Variants in EDIL3 observed in about 807,000 individuals in gnomAD.
EDIL3 encodes the protein EGF-like repeat and discoidin I-like domain-containing protein 3.
Under a neutral mutation model 67.4 loss-of-function variants are expected in EDIL3, and 37 were observed. The ratio of observed to expected loss-of-function variants is 0.55; its 90% CI spans 0.42 to 0.72. EDIL3 has a LOEUF of 0.72. Ranked by LOEUF, EDIL3 falls within the 30% of genes least tolerant of loss-of-function variation. The pLI is 0.00. For synonymous variants in EDIL3, 195 were observed against 196.3 expected, an observed-to-expected ratio of 0.99 and a Z score of 0.05; for missense variants, 527 against 586.3, an observed-to-expected ratio of 0.90 and a Z score of 1.04.
rs764786420 is a variant in EDIL3 at position 84,081,114 on chromosome 5, C to T, written c.652-14508G>A. 2.6e-5 allele frequency among the ~76,000 whole-genome samples: 4 copies of T among 152,224 alleles called. No individual in the cohort carries two copies. In the South Asian group the frequency reaches 8.3e-4, roughly 31 times the overall value. ...CACAGCATGTAACAGGAGCAATACACCACCAGGGGTGAAAGCTGTTGGCAT... is the reference window on the plus strand; with the variant it reads ...CACAGCATGTAACAGGAGCAATACATCACCAGGGGTGAAAGCTGTTGGCAT... On this transcript the variant is annotated intron_variant, in intron 6 of 10. Coordinates refer to ENST00000296591, the MANE Select transcript of EDIL3 (RefSeq NM_005711.5).
intron 1 of EDIL3, among the ~76,000 whole-genome samples, chr5:84,305,231 CT>C (rs575616275): frequency 1.3e-5 from 2 of 152,150 alleles, no homozygotes; most frequent in Admixed American, 6.5e-5. Flanking sequence ...GCTATTAACA[CT>C]TTTTTTAATT....
intron 10 of EDIL3, among the ~76,000 whole-genome samples, chr5:83,958,789 T>C (rs891135190): frequency 2.0e-5 from 3 of 151,426 alleles, no homozygotes; most frequent in Non-Finnish European, 4.4e-5. Flanking sequence ...TCCTGCTAAA[T>C]GCAGTAAAAA....
At chr5:84,353,253 C>G (rs1278658277) in intron 1 of EDIL3, among the ~76,000 whole-genome samples, 1 of 152,122 alleles carries the variant, frequency 6.6e-6, no homozygotes, top group East Asian at 1.9e-4. Flanking sequence ...GAAGGAAGTT[C>G]CATGTGAACC....
Position 84,180,332 on chromosome 5 carries a change from T to C in EDIL3, c.355+61A>G, listed in dbSNP as rs538646508. The C allele has an allele frequency of 5.4e-6, 8 of 1,481,572 alleles. No homozygotes were observed. In the Admixed American group the frequency reaches 6.9e-5, roughly 13 times the overall value. 91.8% of individuals were successfully genotyped at this position (1,481,572 alleles called of 1,614,324 possible). On this transcript the variant is annotated intron_variant, in intron 4 of 10. Coordinates refer to ENST00000296591, the MANE Select transcript of EDIL3 (RefSeq NM_005711.5). ...ATGATTCTACTACAAACAAGAATGA[T>C]GATGGCTTGTATACTTTGTAATCAA...
chr5:84,296,243 T>A (rs542926853), intron 1 of EDIL3, among the ~76,000 whole-genome samples: 1 of 152,314 alleles, frequency 6.6e-6, no homozygotes, highest in African/African-American at 2.4e-5. Flanking sequence ...TCCTGTTCTA[T>A]GTAGTACTTG....
At chr5:84,365,963 T>G (rs554358003) in intron 1 of EDIL3, among the ~76,000 whole-genome samples, 1 of 152,228 alleles carries the variant, frequency 6.6e-6, no homozygotes. Flanking sequence ...GTATATAACC[T>G]CTAAAAGGTA....
intron 5 of EDIL3, among the ~76,000 whole-genome samples, chr5:84,125,854 C>A (rs947151515): frequency 6.6e-6 from 1 of 151,666 alleles, no homozygotes; most frequent in African/African-American, 2.4e-5. Context: ...TTTAAGGAGA[C>A]TGAAAAGGTT....
chr5:84,246,606 A>G (rs1455184370), intron 2 of EDIL3, among the ~76,000 whole-genome samples: 2 of 152,256 alleles, frequency 1.3e-5, no homozygotes, highest in Non-Finnish European at 2.9e-5. Context: ...TTTAAATGAC[A>G]TACATCAATT....
intron 1 of EDIL3, among the ~76,000 whole-genome samples, chr5:84,335,455 T>C (rs571318471): frequency 6.6e-6 from 1 of 152,280 alleles, no homozygotes; most frequent in East Asian, 1.9e-4. Flanking sequence ...TATTTTGTTA[T>C]ATATTTGTAT....
intron 1 of EDIL3, among the ~76,000 whole-genome samples, chr5:84,379,179 A>C (rs1748028557): frequency 6.6e-6 from 1 of 152,198 alleles, no homozygotes; most frequent in Non-Finnish European, 1.5e-5. Context: ...ATAATGGTGA[A>C]TCTGTAACAT....
chr5:84,132,565 TTA>T (rs1171689668), intron 5 of EDIL3, among the ~76,000 whole-genome samples: 12 of 109,922 alleles, frequency 1.1e-4, no homozygotes, highest in Middle Eastern at 7.4e-3. Context: ...TTATATATTT[TTA>T]ATATATAATA....
At chr5:84,317,458 A>G (rs1039993657) in intron 1 of EDIL3, among the ~76,000 whole-genome samples, 1 of 151,554 alleles carries the variant, frequency 6.6e-6, no homozygotes, top group Non-Finnish European at 1.5e-5. Context: ...AAAGAATACT[A>G]TAAACACCTG....
intron 1 of EDIL3, among the ~76,000 whole-genome samples, chr5:84,339,459 T>C (rs1356228454): frequency 6.6e-6 from 1 of 152,154 alleles, no homozygotes; most frequent in Non-Finnish European, 1.5e-5. Context: ...ATTTTTTATA[T>C]TTAGTTTCTC....
At chr5:84,133,606 G>A (rs1008524863) in intron 5 of EDIL3, among the ~76,000 whole-genome samples, 1 of 151,674 alleles carries the variant, frequency 6.6e-6, no homozygotes, top group African/African-American at 2.4e-5. Context: ...CAGCCTGGGC[G>A]ACAGAGTGAG....
chr5:84,256,345 C>G (rs1745123939), intron 1 of EDIL3, among the ~76,000 whole-genome samples: 1 of 152,048 alleles, frequency 6.6e-6, no homozygotes, highest in Non-Finnish European at 1.5e-5. Flanking sequence ...AATGCAGGAA[C>G]AATTACAATT....
chr5:84,162,376 A>AT (rs1405505079), intron 4 of EDIL3, among the ~76,000 whole-genome samples: 2 of 152,024 alleles, frequency 1.3e-5, no homozygotes, highest in African/African-American at 4.8e-5. Context: ...AGTTAAGGCG[A>AT]TATTCTCTTC....
At chr5:84,121,538 G>GATCGATCTATCT (rs761445154) in intron 5 of EDIL3, among the ~76,000 whole-genome samples, 263 of 129,900 alleles carry the variant, frequency 2.0e-3, no homozygotes, top group African/African-American at 6.7e-3. Flanking sequence ...AACTTAGATC[G>GATCGATCTATCT]ATCTATCTAT....
chr5:84,346,378 G>C (rs72766405), intron 1 of EDIL3, among the ~76,000 whole-genome samples: 18,306 of 152,024 alleles, frequency 0.12, 1,148 homozygotes, highest in South Asian at 0.22. Context: ...ATACATGAAA[G>C]AATGGGCTTG....
chr5:84,309,844 T>G lies in EDIL3; in HGVS notation c.68-55632A>C, dbSNP rs544768469. 2.6e-5 allele frequency among the ~76,000 whole-genome samples: 4 copies of G among 152,348 alleles called. No individual in the cohort carries two copies. The South Asian group carries it at 8.3e-4, about 32-fold the overall frequency. On this transcript the variant is annotated intron_variant, in intron 1 of 10. Coordinates refer to ENST00000296591, the MANE Select transcript of EDIL3 (RefSeq NM_005711.5). The stretch of plus-strand genomic sequence containing the variant: ...TATAGCAGCATGATTTATAGTCCTT[T>G]GGGTATATACCCAGTAATGGGATGG...
Sources: allele counts gnomAD v4.1 joint callset (sites outside exome capture counted in the v4.1 genomes callset), GRCh38; gene constraint gnomAD v4.1.1; transcripts MANE v1.5; gene names NCBI Gene and HGNC (gene_info 2026-07-23, HGNC 2026-07-21).